Variants in BCKDHB observed in about 807,000 individuals in gnomAD.
BCKDHB encodes the protein branched chain keto acid dehydrogenase E1 subunit beta, also known as 2-oxoisovalerate dehydrogenase subunit beta, mitochondrial.
In BCKDHB, 41 loss-of-function variants were observed where a neutral mutation model predicts 48.5. The ratio of observed to expected loss-of-function variants is 0.85; its 90% CI spans 0.66 to 1.10. The LOEUF (loss-of-function observed/expected upper bound fraction) is 1.10. BCKDHB is among the 50% of genes least tolerant of loss of function. The probability of loss-of-function intolerance (pLI) is 0.00; values close to 1 mark genes in which losing one functional copy is unlikely to be tolerated. For synonymous variants in BCKDHB, 201 were observed against 174.8 expected, an observed-to-expected ratio of 1.15 and a Z score of -1.18; for missense variants, 496 against 494.2, an observed-to-expected ratio of 1.00 and a Z score of -0.03.
the BCKDHB span, among the ~76,000 whole-genome samples, chr6:80,399,930 A>G: frequency 1.3e-5 from 2 of 152,156 alleles, no homozygotes; most frequent in African/African-American, 4.8e-5. Context: ...ATAAAGCCAT[A>G]TACCTACAAC....
the BCKDHB span, among the ~76,000 whole-genome samples, chr6:80,429,819 A>G: frequency 6.6e-6 from 1 of 152,206 alleles, no homozygotes; most frequent in African/African-American, 2.4e-5. Flanking sequence ...AACAGAGACA[A>G]TTTGACTTCC....
chr6:80,130,639 T>G (rs2127729533), intron 3 of BCKDHB, among the ~76,000 whole-genome samples: 1 of 152,294 alleles, frequency 6.6e-6, no homozygotes, highest in South Asian at 2.1e-4. Flanking sequence ...GTTAAAAATC[T>G]TTACACATTT....
In BCKDHB at chr6:80,186,296, C is replaced by T. The variant is rs147830987; in HGVS notation, c.743-14638C>T. On this transcript the variant is annotated intron_variant, in intron 6 of 9. Coordinates refer to ENST00000320393, the MANE Select transcript of BCKDHB (RefSeq NM_183050.4). ...GCCGAGGCCACTGTGGGTGATGTTC[C>T]GGGGCATTACAGCTGCCTCTGCTGT... Among the ~76,000 whole-genome samples, 1,016 of 152,174 alleles carry T rather than the reference C, an allele frequency of 6.7e-3. 23 individuals carry two copies. Among genetic ancestry groups the T allele is most frequent in the Admixed American group, 0.039 (596 of 15,282 alleles).
rs1194854348 is a variant in BCKDHB, at chr6:80,171,403, T to A, written c.742+13T>A. ...TACAGGGCAGCAGGTAAAGATTTTC[T>A]TTATTTTATATTTGTGAATATCTTT... On this transcript the variant is annotated intron_variant, in intron 6 of 9. Transcript: ENST00000320393. 1.3e-6 allele frequency: 2 copies of A among 1,505,296 alleles called. No homozygotes were observed. Among genetic ancestry groups the A allele is most frequent in the East Asian group, 4.6e-5 (2 of 43,932 alleles). 93.2% of individuals were successfully genotyped at this position (1,505,296 alleles called of 1,614,324 possible).
rs1426183108 is a variant in BCKDHB, at chr6:80,218,168, G to C, written c.951+14956G>C. On this transcript the variant is annotated intron_variant, in intron 8 of 9. Coordinates refer to ENST00000320393, the MANE Select transcript of BCKDHB (RefSeq NM_183050.4). ...CACTGGAAACACATTTCATACTTGT[G>C]CCAGGAAAATGGACTTTTCCTTGCT... Among the ~76,000 whole-genome samples the C allele has an allele frequency of 2.6e-5, 4 of 152,056 alleles. No homozygotes were observed. In the South Asian group the frequency reaches 6.2e-4, roughly 24 times the overall value.
At chr6:80,334,860 A>G (rs1769493519) in intron 9 of BCKDHB, among the ~76,000 whole-genome samples, 1 of 152,042 alleles carries the variant, frequency 6.6e-6, no homozygotes, top group Non-Finnish European at 1.5e-5. Flanking sequence ...AATTTGTAAA[A>G]TAGCAAATAT....
the BCKDHB span, chr6:80,441,137 A>G: frequency 6.6e-6 from 1 of 152,162 alleles, no homozygotes; most frequent in Non-Finnish European, 1.5e-5. Context: ...AAATAATAAA[A>G]TCACCTTTAA....
chr6:80,230,023 GTTGTTTTTTTTTTTTTT>G (rs1775845318), intron 8 of BCKDHB, among the ~76,000 whole-genome samples: 1 of 89,510 alleles, frequency 1.1e-5, no homozygotes, highest in African/African-American at 5.7e-5. Context: ...GGGTTTTTAG[GTTGTTTTTTTTTTTTTT>G]TTTTTTTTTT....
At chr6:80,308,692 T>C (rs998310891) in intron 9 of BCKDHB, among the ~76,000 whole-genome samples, 2 of 151,846 alleles carry the variant, frequency 1.3e-5, no homozygotes, top group African/African-American at 4.8e-5. Context: ...CCTCCCAGGT[T>C]CACGCCATTC....
At chr6:80,424,128 C>T in the BCKDHB span, among the ~76,000 whole-genome samples, 1 of 152,138 alleles carries the variant, frequency 6.6e-6, no homozygotes, top group Non-Finnish European at 1.5e-5. Flanking sequence ...TAAATCCTCC[C>T]AGATTCTGAC....
intron 6 of BCKDHB, among the ~76,000 whole-genome samples, chr6:80,178,900 G>C (rs1477672437): frequency 1.3e-5 from 2 of 152,070 alleles, no homozygotes; most frequent in African/African-American, 4.8e-5. Flanking sequence ...ACCCTATTTT[G>C]CATCCCACCT....
the BCKDHB span, among the ~76,000 whole-genome samples, chr6:80,368,581 T>C: frequency 6.6e-6 from 1 of 152,186 alleles, no homozygotes; most frequent in Non-Finnish European, 1.5e-5. Context: ...CGTGATGATA[T>C]TAATAGTTAA....
intron 9 of BCKDHB, among the ~76,000 whole-genome samples, chr6:80,330,437 G>A (rs1241094780): frequency 6.6e-6 from 1 of 152,142 alleles, no homozygotes; most frequent in Non-Finnish European, 1.5e-5. Flanking sequence ...CTATATTTAT[G>A]CATTCACAAA....
At chr6:80,458,792 ATGT>A in the BCKDHB span, among the ~76,000 whole-genome samples, 4 of 152,176 alleles carry the variant, frequency 2.6e-5, no homozygotes, top group East Asian at 7.7e-4. Context: ...TTTGTTTCTA[ATGT>A]TGACCTGAAT....
intron 8 of BCKDHB, among the ~76,000 whole-genome samples, chr6:80,253,866 AT>A (rs1192428268): frequency 1.3e-5 from 2 of 151,904 alleles, no homozygotes; most frequent in African/African-American, 4.8e-5. Flanking sequence ...TAGGCCACTA[AT>A]TTTTTTCATG....
chr6:80,122,371 A>T (rs540074194), intron 1 of BCKDHB, among the ~76,000 whole-genome samples: 1 of 152,276 alleles, frequency 6.6e-6, no homozygotes, highest in East Asian at 1.9e-4. Flanking sequence ...TCATAAAATG[A>T]GTTAGGGAGG....
the BCKDHB span, among the ~76,000 whole-genome samples, chr6:80,377,301 C>A: frequency 2.0e-5 from 3 of 152,252 alleles, no homozygotes; most frequent in East Asian, 5.8e-4. Context: ...CTCGGCCTCC[C>A]AAAGTGCTGG....
chr6:80,203,324 G>T, intron 8 of BCKDHB, 112 bp downstream of exon 8: 1 of 803,382 alleles, frequency 1.2e-6, no homozygotes, highest in South Asian at 1.5e-5. Context: ...ATTTTCAATT[G>T]ATTTAAAACT....
the BCKDHB span, among the ~76,000 whole-genome samples, chr6:80,458,393 G>A: frequency 1.1e-3 from 163 of 152,308 alleles, no homozygotes; most frequent in African/African-American, 3.8e-3. Flanking sequence ...ATTTGTCCAC[G>A]TGTATGAATG....
Sources: allele counts gnomAD v4.1 joint callset (sites outside exome capture counted in the v4.1 genomes callset), GRCh38; gene constraint gnomAD v4.1.1; transcripts MANE v1.5; gene names NCBI Gene and HGNC (gene_info 2026-07-23, HGNC 2026-07-21).